Variants in FTO observed in about 807,000 individuals in gnomAD.
FTO encodes alpha-ketoglutarate-dependent dioxygenase FTO.
A neutral mutation model predicts 63.9 loss-of-function variants in FTO; 47 were observed. The observed-to-expected ratio is 0.74, with a 90% confidence interval of 0.58 to 0.94. The LOEUF (loss-of-function observed/expected upper bound fraction) is 0.94, where lower values mean the gene tolerates loss of function less well. Ranked by LOEUF, FTO falls within the 40% of genes least tolerant of loss-of-function variation. The probability of loss-of-function intolerance (pLI) is 0.00; values close to 1 mark genes in which losing one functional copy is unlikely to be tolerated. For synonymous variants in FTO, 207 were observed against 224.4 expected (o/e 0.92, Z 0.69); for missense variants, 562 against 618.1 (o/e 0.91, Z 0.96).
At chr16:53,775,643 A>G (rs894600255) in intron 1 of FTO, among the ~76,000 whole-genome samples, 3 of 152,232 alleles carry the variant, frequency 2.0e-5, no homozygotes, top group Admixed American at 2.0e-4. Flanking sequence ...ATCAGGGTGC[A>G]ATCTATCATT....
chr16:53,825,719 G>A, intron 2 of FTO, 145 bp from the exon 3 acceptor site: 1 of 854,058 alleles, frequency 1.2e-6, no homozygotes, highest in Admixed American at 1.9e-5. Flanking sequence ...TCTGTTTTGG[G>A]CTAGGAAGAT....
intron 3 of FTO, among the ~76,000 whole-genome samples, chr16:53,831,780 C>T (rs1305959009): frequency 5.3e-5 from 8 of 151,828 alleles, no homozygotes; most frequent in Non-Finnish European, 5.9e-5. Context: ...AAATTTGAAG[C>T]GGGAGCACAT....
At chr16:54,061,239 A>C (rs543399505) in intron 8 of FTO, among the ~76,000 whole-genome samples, 1 of 152,304 alleles carries the variant, frequency 6.6e-6, no homozygotes, top group Admixed American at 6.5e-5. Context: ...AAATGACTTC[A>C]AAAGTCATTT....
intron 8 of FTO, among the ~76,000 whole-genome samples, chr16:54,019,445 T>G (rs953174545): frequency 1.3e-5 from 2 of 152,186 alleles, no homozygotes; most frequent in Admixed American, 1.3e-4. Context: ...ATACATTTCT[T>G]TAGTAACAGT....
chr16:53,730,773 A>G (rs1186715370), intron 1 of FTO, among the ~76,000 whole-genome samples: 1 of 152,190 alleles, frequency 6.6e-6, no homozygotes, highest in Non-Finnish European at 1.5e-5. Context: ...CTTGGATTAC[A>G]GGCATGAGCC....
At chr16:53,969,080 G>A (rs938613399) in intron 8 of FTO, among the ~76,000 whole-genome samples, 9 of 152,168 alleles carry the variant, frequency 5.9e-5, no homozygotes, top group Non-Finnish European at 1.2e-4. Context: ...TGTAAATGGG[G>A]CAATGAAGCA....
At position 53,797,437 on chromosome 16, in the gene FTO, C is replaced by G. The variant is rs551516820; in HGVS notation, c.46-12703C>G. On this transcript the variant is annotated intron_variant, in intron 1 of 8. Transcript: ENST00000471389. ...GAGGTTTAGGGGGAGGCCTGTCTTC[C>G]GTCACTCAGCATTGTGATTTTGAGA... Among the ~76,000 whole-genome samples, 22 of 152,272 alleles carry G rather than the reference C, an allele frequency of 1.4e-4. No individual in the cohort carries two copies. The South Asian group carries it at 4.1e-3, about 29-fold the overall frequency.
intron 3 of FTO, among the ~76,000 whole-genome samples, chr16:53,834,821 A>G (rs901714265): frequency 6.6e-6 from 1 of 152,130 alleles, no homozygotes; most frequent in Admixed American, 6.5e-5. Context: ...ATTGTTTTGA[A>G]CATTATATAT....
intron 8 of FTO, chr16:53,981,703 A>C (rs1267059815): frequency 6.6e-6 from 1 of 152,220 alleles, no homozygotes; most frequent in African/African-American, 2.4e-5. Flanking sequence ...TGAGGTCAGC[A>C]GTTTGAGACC....
At chr16:53,727,255 A>G (rs1420542839) in intron 1 of FTO, among the ~76,000 whole-genome samples, 1 of 152,218 alleles carries the variant, frequency 6.6e-6, no homozygotes, top group Non-Finnish European at 1.5e-5. Context: ...TGTCTGGCAT[A>G]TTCTATCAGC....
chr16:53,849,111 G>A (rs1405704261), intron 4 of FTO, among the ~76,000 whole-genome samples: 3 of 152,112 alleles, frequency 2.0e-5, no homozygotes, highest in African/African-American at 4.8e-5. Flanking sequence ...CAACAGTTTA[G>A]GGTAGAGTTG....
intron 8 of FTO, among the ~76,000 whole-genome samples, chr16:54,106,088 C>G (rs1226447399): frequency 6.6e-6 from 1 of 152,092 alleles, no homozygotes; most frequent in Non-Finnish European, 1.5e-5. Context: ...TTTGCATTAA[C>G]CTTTTATTGA....
intron 8 of FTO, chr16:54,013,514 G>A (rs1387054094): frequency 1.3e-5 from 2 of 152,252 alleles, no homozygotes; most frequent in African/African-American, 4.8e-5. Context: ...GTAAAATTGT[G>A]AGTAAAATGC....
chr16:53,754,388 A>T (rs2076870131), intron 1 of FTO, among the ~76,000 whole-genome samples: 1 of 152,248 alleles, frequency 6.6e-6, no homozygotes, highest in Admixed American at 6.5e-5. Context: ...CTGTAATCCC[A>T]GCACTTTGGG....
chr16:53,891,871 G>A (rs894091227), intron 7 of FTO, among the ~76,000 whole-genome samples: 13 of 152,100 alleles, frequency 8.5e-5, no homozygotes, highest in African/African-American at 2.7e-4. Context: ...GCAATTCTGC[G>A]AACTCTCTGG....
intron 8 of FTO, among the ~76,000 whole-genome samples, chr16:54,096,936 A>G (rs1218959444): frequency 1.3e-5 from 2 of 152,168 alleles, no homozygotes; most frequent in Non-Finnish European, 2.9e-5. Flanking sequence ...CACTGCTTCA[A>G]GTGGTGTCAG....
At chr16:54,057,441 A>T (rs1424568672) in intron 8 of FTO, among the ~76,000 whole-genome samples, 3 of 152,124 alleles carry the variant, frequency 2.0e-5, no homozygotes, top group Non-Finnish European at 4.4e-5. Context: ...TTACCTATGG[A>T]TGTCTTCATT....
At chr16:53,907,155 G>A (rs1272335660) in intron 7 of FTO, among the ~76,000 whole-genome samples, 1 of 152,166 alleles carries the variant, frequency 6.6e-6, no homozygotes. Flanking sequence ...CTTACGATGG[G>A]TCTGTGTCCT....
intron 1 of FTO, among the ~76,000 whole-genome samples, chr16:53,806,383 T>C (rs2078368455): frequency 6.6e-6 from 1 of 152,204 alleles, no homozygotes; most frequent in African/African-American, 2.4e-5. Flanking sequence ...GGCTCTGCCT[T>C]GCTCCTTTCT....
Sources: allele counts gnomAD v4.1 joint callset (sites outside exome capture counted in the v4.1 genomes callset), GRCh38; gene constraint gnomAD v4.1.1; transcripts MANE v1.5; gene names NCBI Gene and HGNC (gene_info 2026-07-23, HGNC 2026-07-21).